Variants in MRPL30 observed in about 807,000 individuals in gnomAD.
MRPL30 encodes large ribosomal subunit protein uL30m.
Under a neutral mutation model 17.2 loss-of-function variants are expected in MRPL30, and 10 were observed. The ratio of observed to expected loss-of-function variants is 0.58; its 90% CI spans 0.36 to 0.99. The LOEUF (loss-of-function observed/expected upper bound fraction) is 0.99. Among genes scored for constraint, MRPL30 ranks in the 50% least tolerant of loss-of-function variants. MRPL30 has a pLI of 0.01. For synonymous variants in MRPL30, 61 were observed against 62.1 expected (o/e 0.98, Z 0.08); for missense variants, 170 against 189.8 (o/e 0.90, Z 0.61).
At chr2:99,191,305 C>G (rs536351773) in intron 3 of MRPL30, among the ~76,000 whole-genome samples, 1 of 152,188 alleles carries the variant, frequency 6.6e-6, no homozygotes, top group African/African-American at 2.4e-5. Flanking sequence ...ACGCCTGGCC[C>G]CTGCCTATCG....
At chr2:99,191,296 C>T (rs558614559) in intron 3 of MRPL30, among the ~76,000 whole-genome samples, 47 of 152,136 alleles carry the variant, frequency 3.1e-4, no homozygotes, top group Non-Finnish European at 6.2e-4. Flanking sequence ...TGAGCAACCA[C>T]GCCTGGCCCC....
chr2:99,181,777 A>G (rs1178284445), intron 1 of MRPL30, among the ~76,000 whole-genome samples: 1 of 152,016 alleles, frequency 6.6e-6, no homozygotes, highest in African/African-American at 2.4e-5. Flanking sequence ...CCTTTTTGCC[A>G]AGAGGCAGTA....
chr2:99,191,284 C>T (rs533987573), intron 3 of MRPL30, among the ~76,000 whole-genome samples: 6 of 152,094 alleles, frequency 3.9e-5, no homozygotes, highest in Non-Finnish European at 2.9e-5. Context: ...GAATTACAGG[C>T]GTGAGCAACC....
chr2:99,193,255 A>G (rs368990961), intron 3 of MRPL30, among the ~76,000 whole-genome samples: 30 of 152,362 alleles, frequency 2.0e-4, no homozygotes, highest in African/African-American at 7.0e-4. Context: ...AGAGAAATGC[A>G]AATCAAAACC....
intron 3 of MRPL30, among the ~76,000 whole-genome samples, chr2:99,190,378 A>G (rs1005152529): frequency 3.3e-5 from 5 of 152,014 alleles, no homozygotes; most frequent in African/African-American, 1.2e-4. Flanking sequence ...TGGGCAACAT[A>G]GTGAGACTCT....
chr2:99,195,177 A>G lies in MRPL30; in HGVS notation c.341A>G (p.Lys114Arg), dbSNP rs775807243. ...PSVNAKLKVVKHLIRIKPLKL... is the reference protein window; with the variant it reads ...PSVNAKLKVVRHLIRIKPLKL... ...GTGAATGCAAAATTGAAAGTAGTTA[A>G]GCATTTGATAAGGTTTGTTGTTTCT... The change falls in exon 5 of 6, where the codon AAG becomes AGG. Residue 114 changes from lysine to arginine, a missense_variant. Transcript: ENST00000338148. 1.6e-5 allele frequency: 25 copies of G among 1,606,764 alleles called. No individual in the cohort carries two copies. Among genetic ancestry groups the G allele is most frequent in the Non-Finnish European group, 2.0e-5 (24 of 1,176,350 alleles).
rs546244160 is a variant in MRPL30, at chr2:99,184,614, G to A, written c.-27-1563G>A. Among the ~76,000 whole-genome samples, 8 of 152,256 alleles carry A rather than the reference G, an allele frequency of 5.3e-5. 1 individual carries two copies. In the South Asian group the frequency reaches 1.7e-3, roughly 32 times the overall value. On this transcript the variant is annotated intron_variant, in intron 1 of 5. Transcript: ENST00000338148. ...TGATTTATTGCTGATATACAAAAAA[G>A]ATATTAGGGGAATTGGAATGGAAGC...
intron 1 of MRPL30, chr2:99,185,668 GA>G: frequency 3.2e-6 from 1 of 313,356 alleles, no homozygotes; most frequent in Admixed American, 4.1e-5. Flanking sequence ...ATGATTTAGT[GA>G]AAATGCACTT....
In MRPL30 at chr2:99,195,259, T is replaced by A. The variant is rs775680128; in HGVS notation, c.353+70T>A. On this transcript the variant is annotated intron_variant, in intron 5 of 5. Transcript: ENST00000338148. Reference sequence around the variant, plus strand: ...GTAATTCTAAATGCATTTTTCTTTTTTCGTTAATGTTCTGAAAAAAACTTT... The same window carrying A: ...GTAATTCTAAATGCATTTTTCTTTTATCGTTAATGTTCTGAAAAAAACTTT... 2.8e-6 allele frequency: 4 copies of A among 1,425,440 alleles called. No individual in the cohort carries two copies. The East Asian group carries it at 7.0e-5, about 25-fold the overall frequency. 88.3% of individuals were successfully genotyped at this position (1,425,440 alleles called of 1,614,324 possible).
At chr2:99,189,200 T>C (rs1415749643) in intron 3 of MRPL30, among the ~76,000 whole-genome samples, 1 of 152,224 alleles carries the variant, frequency 6.6e-6, no homozygotes, top group East Asian at 1.9e-4. Context: ...TGTGAAGTTC[T>C]ATGGGTTTTG....
intron 3 of MRPL30, among the ~76,000 whole-genome samples, chr2:99,188,814 C>T (rs556765138): frequency 9.9e-5 from 15 of 152,158 alleles, no homozygotes; most frequent in Admixed American, 7.2e-4. Context: ...AGTTTTTGTG[C>T]CTCAGCCTCC....
At chr2:99,189,173 G>A (rs974913979) in intron 3 of MRPL30, among the ~76,000 whole-genome samples, 1 of 152,186 alleles carries the variant, frequency 6.6e-6, no homozygotes. Flanking sequence ...GTTTACACTA[G>A]TGTTCAGTCT....
At chr2:99,188,710 A>T (rs570940553) in intron 3 of MRPL30, among the ~76,000 whole-genome samples, 9 of 151,824 alleles carry the variant, frequency 5.9e-5, no homozygotes, top group African/African-American at 2.2e-4. Flanking sequence ...TTTGTTTAAA[A>T]TTTTTTTTTA....
chr2:99,189,167 A>G (rs994077178), intron 3 of MRPL30, among the ~76,000 whole-genome samples: 4 of 152,244 alleles, frequency 2.6e-5, no homozygotes, highest in Admixed American at 2.0e-4. Context: ...ACCATAGTTT[A>G]CACTAGTGTT....
rs867136258 is a variant in MRPL30 at position 99,196,097 on chromosome 2, T to A, written c.*392T>A. The A allele has an allele frequency of 5.6e-4, 101 of 180,196 alleles. 1 individual carries two copies. Among genetic ancestry groups the A allele is most frequent in the African/African-American group, 1.5e-3 (61 of 41,270 alleles). 11.2% of individuals were successfully genotyped at this position (180,196 alleles called of 1,614,324 possible). On this transcript the variant is annotated 3_prime_UTR_variant, in exon 6 of 6. Coordinates refer to ENST00000338148, the MANE Select transcript of MRPL30 (RefSeq NM_145212.4). ...CTCCATCTCAGGGGAAAAAAAAAAA[T>A]TTTTTTTTCACTGACTAAACCTGCT...
intron 2 of MRPL30, among the ~76,000 whole-genome samples, chr2:99,187,554 G>A (rs748560768): frequency 1.3e-5 from 2 of 152,266 alleles, no homozygotes; most frequent in South Asian, 2.1e-4. Flanking sequence ...GGCTGGGCGC[G>A]GTGGCTCACG....
intron 2 of MRPL30, 87 bp from the exon 3 acceptor site, chr2:99,188,090 A>G: frequency 1.0e-6 from 1 of 977,954 alleles, no homozygotes; most frequent in Non-Finnish European, 1.5e-6. Flanking sequence ...GTAGGTTGGA[A>G]CAGACTTCTG....
intron 2 of MRPL30, 80 bp downstream of exon 2, chr2:99,186,334 CTTTT>C: frequency 7.5e-7 from 1 of 1,340,720 alleles, no homozygotes. Context: ...AAGCTAAGTT[CTTTT>C]TTTTATTTTT....
At chr2:99,181,574 C>T (rs1333248902) in intron 1 of MRPL30, among the ~76,000 whole-genome samples, 1 of 148,876 alleles carries the variant, frequency 6.7e-6, no homozygotes, top group Non-Finnish European at 1.5e-5. Flanking sequence ...TTATTCATAA[C>T]TTAGGGTTGC....
Sources: allele counts gnomAD v4.1 joint callset (sites outside exome capture counted in the v4.1 genomes callset), GRCh38; gene constraint gnomAD v4.1.1; transcripts MANE v1.5; gene names NCBI Gene and HGNC (gene_info 2026-07-23, HGNC 2026-07-21).